NRG1: variants seen among roughly 807,000 people sequenced by gnomAD.
NRG1 encodes pro-neuregulin-1, membrane-bound isoform.
Under a neutral mutation model 63.8 loss-of-function variants are expected in NRG1, and 18 were observed. The observed-to-expected ratio is 0.28, with a 90% CI of 0.19 to 0.42. The LOEUF is 0.42. NRG1 is among the 10% of genes least tolerant of loss of function. NRG1 has a pLI of 1.00. For synonymous variants in NRG1, 302 were observed against 301.3 expected (o/e 1.00, Z -0.02); for missense variants, 762 against 814.7 (o/e 0.94, Z 0.79).
In NRG1 at chr8:31,725,356, C is replaced by T. The variant is rs572926898; in HGVS notation, c.37+85925C>T. Among the ~76,000 whole-genome samples the T allele has an allele frequency of 1.2e-4, 18 of 152,226 alleles. No individual in the cohort carries two copies. The South Asian group carries it at 2.7e-3, about 23-fold the overall frequency. On this transcript the variant is annotated intron_variant, in intron 1 of 10. Coordinates refer to the NRG1 transcript ENST00000519301. ...GCTAACGTTTGAGAAAACTCATTTT[C>T]GGAGGAATAATTTTCTGTTGTTTGT... is the stretch of plus-strand genomic sequence containing the variant.
At chr8:31,653,401 C>T (rs1206682339) in intron 1 of NRG1, among the ~76,000 whole-genome samples, 1 of 152,074 alleles carries the variant, frequency 6.6e-6, no homozygotes, top group Non-Finnish European at 1.5e-5. Flanking sequence ...TTTATTTCTA[C>T]CTAGTGAATG....
chr8:32,391,359 A>T (rs879888119), intron 1 of NRG1, among the ~76,000 whole-genome samples: 19 of 151,680 alleles, frequency 1.3e-4, no homozygotes, highest in Non-Finnish European at 2.5e-4. Flanking sequence ...GAATATATAT[A>T]TTTTTTTGAC....
chr8:32,548,641 A>G, exon 1 of NRG1: 2 of 1,468,462 alleles, frequency 1.4e-6, no homozygotes, highest in Non-Finnish European at 1.8e-6. Flanking sequence ...TCGAGGGACA[A>G]ACTTTTCCCA....
chr8:32,554,929 C>CTCTCTTT (rs1554580903), intron 1 of NRG1, among the ~76,000 whole-genome samples: 67 of 145,876 alleles, frequency 4.6e-4, no homozygotes, highest in Admixed American at 1.1e-3. Context: ...CTCTCTCTCT[C>CTCTCTTT]TTTTTTTTTT....
chr8:32,548,301 G>A lies in NRG1; in HGVS notation c.-426G>A, dbSNP rs1440139565. ...GGGCAATTGAAAAAGAGCCGGCGAG[G>A]AGTTCCCCGAAACTTGTTGGAACTC... is the stretch of plus-strand genomic sequence containing the variant. On this transcript the variant is annotated 5_prime_UTR_variant, in exon 1 of 12. Coordinates refer to ENST00000356819, the Ensembl canonical transcript of NRG1. The A allele has an allele frequency of 1.0e-6, 1 of 990,446 alleles. No individual in the cohort carries two copies. Among genetic ancestry groups the A allele is most frequent in the Non-Finnish European group, 1.2e-6 (1 of 833,528 alleles). The allele number at this position is 990,446 out of a possible 1,614,324, so 61.4% of individuals were successfully genotyped here. A position where few individuals can be genotyped will look rare whatever the true frequency, so the allele number is the denominator to read the frequency against.
intron 1 of NRG1, among the ~76,000 whole-genome samples, chr8:31,706,697 C>T (rs1188117696): frequency 1.3e-5 from 2 of 152,142 alleles, no homozygotes; most frequent in Non-Finnish European, 2.9e-5. Context: ...CTCAGCCTTA[C>T]CAATAGAGCA....
intron 1 of NRG1, among the ~76,000 whole-genome samples, chr8:32,011,851 C>T (rs1391754766): frequency 6.6e-6 from 1 of 152,078 alleles, no homozygotes; most frequent in Admixed American, 6.6e-5. Flanking sequence ...CTATTTTATT[C>T]ATAGTTTGTG....
rs187848512 is a variant in NRG1, at chr8:32,176,478, C to A, written c.38-419350C>A. On this transcript the variant is annotated intron_variant, in intron 1 of 10. Transcript: ENST00000519301. ...CAACAAAAGCCAAAATTGACAAATG[C>A]GATCTAATTAAACTAAAGAGCTTCT... 6.6e-5 allele frequency among the ~76,000 whole-genome samples: 10 copies of A among 151,668 alleles called. No individual in the cohort carries two copies. The South Asian group carries it at 1.7e-3, about 25-fold the overall frequency.
At chr8:32,686,830 A>G (rs1810279763) in intron 5 of NRG1, among the ~76,000 whole-genome samples, 1 of 152,190 alleles carries the variant, frequency 6.6e-6, no homozygotes, top group African/African-American at 2.4e-5. Context: ...TGCTCAATGT[A>G]TGGGCCAGGC....
chr8:31,719,088 G>A (rs369463055), intron 1 of NRG1, among the ~76,000 whole-genome samples: 7 of 152,252 alleles, frequency 4.6e-5, no homozygotes, highest in African/African-American at 1.7e-4. Context: ...CTGATCACCT[G>A]ATTTTGTTTC....
intron 5 of NRG1, among the ~76,000 whole-genome samples, chr8:32,667,459 G>A (rs1398358306): frequency 1.3e-5 from 2 of 152,062 alleles, no homozygotes; most frequent in Non-Finnish European, 2.9e-5. Context: ...GTTCATCTGT[G>A]GTGGGTGTGA....
chr8:31,657,605 T>C (rs533193260), intron 1 of NRG1, among the ~76,000 whole-genome samples: 2 of 152,324 alleles, frequency 1.3e-5, no homozygotes, highest in East Asian at 3.9e-4. Flanking sequence ...GCTCTTGGAA[T>C]TGTTTTTTTC....
At chr8:31,920,883 GGTAGATAGA>G (rs1563568663) in intron 1 of NRG1, among the ~76,000 whole-genome samples, 17 of 133,218 alleles carry the variant, frequency 1.3e-4, no homozygotes, top group African/African-American at 3.1e-4. Flanking sequence ...TAGATAGATA[GGTAGATAGA>G]TAGATAGATA....
At chr8:32,634,035 T>C (rs781070474) in intron 5 of NRG1, among the ~76,000 whole-genome samples, 3 of 142,184 alleles carry the variant, frequency 2.1e-5, no homozygotes, top group Admixed American at 7.4e-5. Flanking sequence ...TCCCAGCCAA[T>C]TGGGAGGCTG....
chr8:32,455,721 A>T (rs532477338), intron 1 of NRG1, among the ~76,000 whole-genome samples: 1 of 152,334 alleles, frequency 6.6e-6, no homozygotes, highest in Admixed American at 6.5e-5. Context: ...GAGGAACTCA[A>T]TCAACAGGAT....
chr8:31,967,260 C>G (rs1297107959), intron 1 of NRG1, among the ~76,000 whole-genome samples: 1 of 152,144 alleles, frequency 6.6e-6, no homozygotes, highest in Non-Finnish European at 1.5e-5. Context: ...CTTCTCCCCT[C>G]CCTCCTCCAC....
chr8:31,752,247 G>A (rs1379271700), intron 1 of NRG1, among the ~76,000 whole-genome samples: 1 of 152,060 alleles, frequency 6.6e-6, no homozygotes, highest in African/African-American at 2.4e-5. Context: ...TAATGTGGAA[G>A]TTATGGGCAA....
At chr8:31,885,021 T>A (rs1830615044) in intron 1 of NRG1, among the ~76,000 whole-genome samples, 1 of 152,152 alleles carries the variant, frequency 6.6e-6, no homozygotes, top group Admixed American at 6.6e-5. Flanking sequence ...TTTTCAGTGA[T>A]CCAGTTTCAA....
intron 1 of NRG1, among the ~76,000 whole-genome samples, chr8:31,883,611 C>T (rs1220939001): frequency 6.6e-6 from 1 of 152,062 alleles, no homozygotes; most frequent in Non-Finnish European, 1.5e-5. Context: ...TTTGAACTTA[C>T]ACAATAATTT....
Sources: allele counts gnomAD v4.1 joint callset (sites outside exome capture counted in the v4.1 genomes callset), GRCh38; gene constraint gnomAD v4.1.1; transcripts MANE v1.5; gene names NCBI Gene and HGNC (gene_info 2026-07-23, HGNC 2026-07-21).